Variants in ILDR1 observed in about 807,000 individuals in gnomAD.
ILDR1 encodes immunoglobulin like domain containing receptor 1.
A neutral mutation model predicts 62.4 loss-of-function variants in ILDR1; 56 were observed. The ratio of observed to expected loss-of-function variants is 0.90; its 90% CI spans 0.72 to 1.12. The LOEUF is 1.12. Ranked by LOEUF, ILDR1 falls within the 50% of genes most tolerant of loss-of-function variation. The pLI is 0.00. For missense variants in ILDR1, 736 were observed against 710.6 expected (o/e 1.04, Z -0.41); for synonymous variants, 284 against 277.8 (o/e 1.02, Z -0.22).
At chr3:121,992,158 CAG>C (rs1198639580) in intron 7 of ILDR1, among the ~76,000 whole-genome samples, 2 of 152,016 alleles carry the variant, frequency 1.3e-5, no homozygotes, top group Non-Finnish European at 2.9e-5. Flanking sequence ...TTTTTTGAGA[CAG>C]AGTTTTGCTC....
intron 3 of ILDR1, 42 bp downstream of exon 3, chr3:122,005,202 T>TA: frequency 1.4e-5 from 17 of 1,216,380 alleles, no homozygotes; most frequent in East Asian, 1.2e-4. Context: ...TGTCTGCACC[T>TA]CCCCCCACCC....
At chr3:122,015,876 T>A (rs1454232165) in intron 1 of ILDR1, among the ~76,000 whole-genome samples, 1 of 152,194 alleles carries the variant, frequency 6.6e-6, no homozygotes, top group Non-Finnish European at 1.5e-5. Flanking sequence ...AGCCTCCATA[T>A]CACCTGTGCT....
At chr3:122,040,998 G>A in the ILDR1 span, among the ~76,000 whole-genome samples, 1 of 152,122 alleles carries the variant, frequency 6.6e-6, no homozygotes. Flanking sequence ...GAAAATATTT[G>A]CAAAAGACAT....
chr3:122,046,291 GT>G, the ILDR1 span, among the ~76,000 whole-genome samples: 1 of 150,126 alleles, frequency 6.7e-6, no homozygotes, highest in African/African-American at 2.4e-5. Context: ...GAGATCCGCT[GT>G]TAGTCTGATG....
Position 122,001,369 on chromosome 3 carries a change from C to T in ILDR1, c.585G>A (p.Gln195=), listed in dbSNP as rs1261589855. 1 of 1,614,150 alleles carries T rather than the reference C, an allele frequency of 6.2e-7. No individual in the cohort carries two copies. The highest frequency in any genetic ancestry group is 8.5e-7 in the Non-Finnish European group (1 of 1,180,022). Residue 195 remains glutamine (Q), a synonymous_variant, in exon 5 of 8, where the codon CAG becomes CAA. Transcript: ENST00000344209. ...GACAGCGGATATAGCAGCAGCAATA[C>T]TGAGGACAGCACTGGCACCAGCACA... The part of the protein sequence containing the change: ...IGVCWCQCCP[Q]YCCCYIRCPC...
Position 122,010,260 on chromosome 3 carries a change from G to A in ILDR1, c.59-3099C>T, listed in dbSNP as rs111964809. Among the ~76,000 whole-genome samples, 13 of 152,168 alleles carry A rather than the reference G, an allele frequency of 8.5e-5. 1 individual carries two copies. Among genetic ancestry groups the A allele is most frequent in the South Asian group, 4.1e-4 (2 of 4,826 alleles). ...AGGCGGGGCTGGTGGTGGTGAGTGG[G>A]AGGTGGGGCGATGGGGTGAAGTCTA... On this transcript the variant is annotated intron_variant, in intron 1 of 7. Coordinates refer to ENST00000344209, the MANE Select transcript of ILDR1 (RefSeq NM_001199799.2).
the ILDR1 span, chr3:122,055,257 T>C: frequency 3.9e-6 from 2 of 518,412 alleles, no homozygotes; most frequent in Non-Finnish European, 6.9e-6. Context: ...CGTCAATGAG[T>C]TTAAACTGCA....
chr3:122,022,302 G>A (rs1576740394), upstream of ILDR1: 2 of 438,098 alleles, frequency 4.6e-6, no homozygotes, highest in East Asian at 7.6e-5. Context: ...CCCGCGCGCC[G>A]CCGTTTCCTG....
chr3:122,002,813 C>A lies in ILDR1; in HGVS notation c.380-949G>T, dbSNP rs538633512. Among the ~76,000 whole-genome samples, 13 of 152,264 alleles carry A rather than the reference C, an allele frequency of 8.5e-5. No homozygotes were observed. In the South Asian group the frequency reaches 1.7e-3, roughly 19 times the overall value. The stretch of plus-strand genomic sequence containing the variant: ...AGGCCGCGGTGTGTATTGTTCCCCC[C>A]ATGTGACCATGCATTCTCGTCATCC... On this transcript the variant is annotated intron_variant, in intron 3 of 7. Transcript: ENST00000344209.
At chr3:122,052,553 A>G in the ILDR1 span, among the ~76,000 whole-genome samples, 1 of 152,140 alleles carries the variant, frequency 6.6e-6, no homozygotes, top group Admixed American at 6.5e-5. Flanking sequence ...AGCCCCCAGG[A>G]AAGTCAGAAC....
chr3:121,994,395 C>A (rs2107646108), intron 5 of ILDR1, 82 bp from the exon 6 acceptor site: 2 of 1,440,726 alleles, frequency 1.4e-6, no homozygotes, highest in South Asian at 1.4e-5. Flanking sequence ...CACCTAGGGG[C>A]CTTGCAAGAG....
the ILDR1 span, among the ~76,000 whole-genome samples, chr3:122,053,450 A>G: frequency 0.079 from 11,956 of 152,246 alleles, 512 homozygotes; most frequent in Non-Finnish European, 0.09. Context: ...AAACTCCTAA[A>G]TGTATATACT....
chr3:121,993,268 G>A lies in ILDR1; in HGVS notation c.1481C>T (p.Ala494Val). 1 of 1,613,180 alleles carries A rather than the reference G, an allele frequency of 6.2e-7. No individual in the cohort carries two copies. Among genetic ancestry groups the A allele is most frequent in the African/African-American group, 1.3e-5 (1 of 75,064 alleles). Residue 494 changes from alanine to valine, a missense_variant, in exon 7 of 8, where the codon GCC becomes GTC. Ala to Val is a moderately conservative substitution (Grantham distance 64). Coordinates refer to ENST00000344209, the MANE Select transcript of ILDR1 (RefSeq NM_001199799.2). ...TGGGGAGTGCGAGCCGCGGCGGTGG[G>A]CCCGCCAGCTCTGGGGCTGCCTCTC... ...DKERQPQSWR[A>V]HRRGSHSPHW...
At chr3:122,005,457 C>T in intron 2 of ILDR1, 64 bp from the exon 3 acceptor site, 1 of 1,585,246 alleles carries the variant, frequency 6.3e-7, no homozygotes, top group Non-Finnish European at 8.7e-7. Context: ...AAAAGGTTCC[C>T]TTCCTGCTCC....
chr3:122,027,900 C>T, the ILDR1 span, among the ~76,000 whole-genome samples: 1 of 152,082 alleles, frequency 6.6e-6, no homozygotes, highest in African/African-American at 2.4e-5. Flanking sequence ...AACCTTGACT[C>T]GCAATTAGCA....
the ILDR1 span, among the ~76,000 whole-genome samples, chr3:122,060,474 C>T: frequency 7.2e-5 from 11 of 152,086 alleles, no homozygotes; most frequent in African/African-American, 2.7e-4. Context: ...CAGAGTTCTT[C>T]CTTCCTCCAT....
At chr3:122,041,164 TC>T in the ILDR1 span, among the ~76,000 whole-genome samples, 2 of 152,242 alleles carry the variant, frequency 1.3e-5, no homozygotes, top group African/African-American at 2.4e-5. Context: ...TTTGAATGTA[TC>T]CCCCCAAAAG....
chr3:122,038,372 C>T, the ILDR1 span, among the ~76,000 whole-genome samples: 1 of 152,146 alleles, frequency 6.6e-6, no homozygotes, highest in East Asian at 1.9e-4. Context: ...AGCCCATACC[C>T]TAGCACAGGT....
intron 1 of ILDR1, 135 bp from the exon 2 acceptor site, chr3:122,007,296 TTC>T: frequency 6.5e-7 from 1 of 1,547,990 alleles, no homozygotes; most frequent in Non-Finnish European, 8.7e-7. Context: ...AGAGTCTGGG[TTC>T]TTACTCACCT....
Sources: gnomAD v4.1 joint callset for allele counts (sites outside exome capture counted in the v4.1 genomes callset) on GRCh38, gnomAD v4.1.1 for gene constraint, MANE v1.5 for transcripts, NCBI Gene and HGNC (gene_info 2026-07-23, HGNC 2026-07-21) for gene names.